COMMD10: variants seen among roughly 807,000 people sequenced by gnomAD.
COMMD10 encodes the protein COMM domain containing 10, also known as COMM domain-containing protein 10.
Under a neutral mutation model 28.9 loss-of-function variants are expected in COMMD10, and 33 were observed. The ratio of observed to expected loss-of-function variants is 1.14; its 90% confidence interval spans 0.87 to 1.53. The LOEUF (loss-of-function observed/expected upper bound fraction) is 1.53. Among genes scored for constraint, COMMD10 ranks in the 40% most tolerant of loss-of-function variants. COMMD10 has a pLI of 0.00. For missense variants in COMMD10, 310 were observed against 233.4 expected, an observed-to-expected ratio of 1.33 and a Z score of -2.14; for synonymous variants, 110 against 81.7, an observed-to-expected ratio of 1.35 and a Z score of -1.87.
chr5:116,144,474 A>T (rs1217591140), intron 5 of COMMD10, among the ~76,000 whole-genome samples: 1 of 151,588 alleles, frequency 6.6e-6, no homozygotes, highest in East Asian at 1.9e-4. Context: ...CTAGAAAGTG[A>T]TGGTGCTATA....
At chr5:116,231,143 G>A (rs1350540465) in intron 5 of COMMD10, among the ~76,000 whole-genome samples, 1 of 152,118 alleles carries the variant, frequency 6.6e-6, no homozygotes. Context: ...CTAAAATAAG[G>A]TCAAGCTGAT....
intron 5 of COMMD10, among the ~76,000 whole-genome samples, chr5:116,282,106 T>C (rs552419861): frequency 6.6e-6 from 1 of 151,940 alleles, no homozygotes; most frequent in Non-Finnish European, 1.5e-5. Flanking sequence ...ATCCTGCCCT[T>C]CTTCAGATCT....
intron 5 of COMMD10, among the ~76,000 whole-genome samples, chr5:116,180,016 T>C (rs1747895259): frequency 6.6e-6 from 1 of 152,072 alleles, no homozygotes; most frequent in African/African-American, 2.4e-5. Context: ...AGGTTTTTTG[T>C]TGTTACTCTT....
At chr5:116,112,243 A>G (rs549777060) in intron 4 of COMMD10, among the ~76,000 whole-genome samples, 1 of 152,110 alleles carries the variant, frequency 6.6e-6, no homozygotes, top group Non-Finnish European at 1.5e-5. Flanking sequence ...TTTTTATTTT[A>G]AAGTATGCTT....
At chr5:116,097,538 G>C (rs760984602) in intron 4 of COMMD10, among the ~76,000 whole-genome samples, 1 of 152,132 alleles carries the variant, frequency 6.6e-6, no homozygotes. Flanking sequence ...TGTTAGCTGC[G>C]GAATTTTTCT....
chr5:116,256,710 C>CA (rs1008950651), intron 5 of COMMD10, among the ~76,000 whole-genome samples: 4 of 151,854 alleles, frequency 2.6e-5, no homozygotes, highest in African/African-American at 7.3e-5. Context: ...AACGTGAATT[C>CA]ATTTATTTTT....
At chr5:116,280,778 T>A (rs1039126922) in intron 5 of COMMD10, among the ~76,000 whole-genome samples, 1 of 151,886 alleles carries the variant, frequency 6.6e-6, no homozygotes, top group Non-Finnish European at 1.5e-5. Context: ...ATAATAGAGA[T>A]ATTGGAATAT....
At chr5:116,261,200 C>T (rs1380677672) in intron 5 of COMMD10, among the ~76,000 whole-genome samples, 7 of 151,670 alleles carry the variant, frequency 4.6e-5, no homozygotes, top group Non-Finnish European at 1.0e-4. Context: ...GCCAATATAA[C>T]TAGTTTTGGT....
chr5:116,155,511 G>A (rs919013011), intron 5 of COMMD10, among the ~76,000 whole-genome samples: 2 of 152,058 alleles, frequency 1.3e-5, no homozygotes, highest in Non-Finnish European at 2.9e-5. Context: ...TTAGATAAAT[G>A]TATTTTTGTA....
At chr5:116,249,314 A>G (rs1396901672) in intron 5 of COMMD10, among the ~76,000 whole-genome samples, 2 of 151,950 alleles carry the variant, frequency 1.3e-5, no homozygotes, top group Non-Finnish European at 2.9e-5. Context: ...CGAATCTTTC[A>G]TCTGTTGGAT....
At chr5:116,156,929 A>C (rs556312197) in intron 5 of COMMD10, among the ~76,000 whole-genome samples, 1 of 152,108 alleles carries the variant, frequency 6.6e-6, no homozygotes, top group Non-Finnish European at 1.5e-5. Context: ...TGTTTAGCTC[A>C]TCTCTTTGTT....
intron 5 of COMMD10, among the ~76,000 whole-genome samples, chr5:116,242,477 T>A (rs1274304854): frequency 6.6e-6 from 1 of 152,178 alleles, no homozygotes; most frequent in African/African-American, 2.4e-5. Flanking sequence ...GGTTTGACAT[T>A]ATTATTATCA....
At chr5:116,166,229 C>T (rs1753089905) in intron 5 of COMMD10, among the ~76,000 whole-genome samples, 1 of 129,692 alleles carries the variant, frequency 7.7e-6, no homozygotes, top group Non-Finnish European at 1.5e-5. Flanking sequence ...CCATAAGATG[C>T]AAAGATTGTT....
At chr5:116,261,900 A>G (rs1255244273) in intron 5 of COMMD10, among the ~76,000 whole-genome samples, 1 of 151,692 alleles carries the variant, frequency 6.6e-6, no homozygotes, top group Non-Finnish European at 1.5e-5. Flanking sequence ...CTTTAGTTTT[A>G]TAATAATAAT....
chr5:116,190,409 G>A (rs1054148543), intron 5 of COMMD10, among the ~76,000 whole-genome samples: 4 of 152,154 alleles, frequency 2.6e-5, no homozygotes, highest in Non-Finnish European at 5.9e-5. Context: ...AATTGTATGT[G>A]CATTTAAATG....
At chr5:116,251,967 CT>C (rs1206408954) in intron 5 of COMMD10, among the ~76,000 whole-genome samples, 32 of 130,494 alleles carry the variant, frequency 2.5e-4, no homozygotes, top group African/African-American at 9.6e-4. Flanking sequence ...TGTTTCCTGA[CT>C]TTTTAATGAT....
chr5:116,260,105 G>A (rs1317747959), intron 5 of COMMD10, among the ~76,000 whole-genome samples: 1 of 151,724 alleles, frequency 6.6e-6, no homozygotes, highest in African/African-American at 2.4e-5. Flanking sequence ...AAGGAAAGAG[G>A]TAAATGTGTC....
At chr5:116,290,827 AAGT>A (rs1157379305) in intron 5 of COMMD10, among the ~76,000 whole-genome samples, 1 of 152,252 alleles carries the variant, frequency 6.6e-6, no homozygotes, top group East Asian at 1.9e-4. Flanking sequence ...AATCAACCAA[AAGT>A]AGGTTGGATT....
At chr5:116,199,176 A>G (rs1748602190) in intron 5 of COMMD10, among the ~76,000 whole-genome samples, 1 of 151,974 alleles carries the variant, frequency 6.6e-6, no homozygotes, top group Non-Finnish European at 1.5e-5. Context: ...GTAGTTTCTC[A>G]TTTTTGTTTT....
Sources: gnomAD v4.1 joint callset for allele counts (sites outside exome capture counted in the v4.1 genomes callset) on GRCh38, gnomAD v4.1.1 for gene constraint, MANE v1.5 for transcripts, NCBI Gene and HGNC (gene_info 2026-07-23, HGNC 2026-07-21) for gene names.